ZDHHC14: variants seen among roughly 807,000 people sequenced by gnomAD.
The protein encoded by ZDHHC14 is zDHHC palmitoyltransferase 14, also known as palmitoyltransferase ZDHHC14.
A neutral mutation model predicts 47.7 loss-of-function variants in ZDHHC14; 16 were observed. The ratio of observed to expected loss-of-function variants is 0.34; its 90% CI spans 0.23 to 0.51. ZDHHC14 has a LOEUF of 0.51. Ranked by LOEUF, ZDHHC14 falls within the 20% of genes least tolerant of loss-of-function variation. The probability of loss-of-function intolerance (pLI) is 0.97; values close to 1 mark genes in which losing one functional copy is unlikely to be tolerated. For synonymous variants in ZDHHC14, 293 were observed against 278.9 expected (o/e 1.05, Z -0.50); for missense variants, 515 against 662.5 (o/e 0.78, Z 2.44).
intron 1 of ZDHHC14, among the ~76,000 whole-genome samples, chr6:157,534,877 G>A (rs910443255): frequency 6.6e-6 from 1 of 152,016 alleles, no homozygotes; most frequent in African/African-American, 2.4e-5. Flanking sequence ...AGGCACTCCC[G>A]GCCTCTTCCT....
chr6:157,647,898 G>A (rs967464008), intron 7 of ZDHHC14, among the ~76,000 whole-genome samples: 2 of 152,182 alleles, frequency 1.3e-5, no homozygotes, highest in African/African-American at 4.8e-5. Flanking sequence ...GTTAAGCTCT[G>A]CTCTAAGTTC....
At chr6:157,602,201 C>CAAA (rs67391412) in intron 3 of ZDHHC14, among the ~76,000 whole-genome samples, 4 of 126,994 alleles carry the variant, frequency 3.1e-5, no homozygotes, top group East Asian at 2.4e-4. Flanking sequence ...GATTCTGTCT[C>CAAA]AAAAAAAAAA....
At chr6:157,671,325 C>G (rs1583106298) in intron 8 of ZDHHC14, among the ~76,000 whole-genome samples, 1 of 152,170 alleles carries the variant, frequency 6.6e-6, no homozygotes, top group Non-Finnish European at 1.5e-5. Context: ...CATCTGTGCC[C>G]CAGGGTCTTC....
At position 157,542,750 on chromosome 6, in the gene ZDHHC14, C is replaced by T; in HGVS notation, c.406+5C>T. On this transcript the variant is annotated splice_donor_5th_base_variant and intron_variant, in intron 2 of 8. Transcript: ENST00000359775. Reference sequence around the variant, plus strand: ...CCGATCTGGAAAGGCAAATAGGTAACACTGAAAGTCTGCCCATGGCCTCTG... The same window carrying T: ...CCGATCTGGAAAGGCAAATAGGTAATACTGAAAGTCTGCCCATGGCCTCTG... 1 of 1,613,586 alleles carries T rather than the reference C, an allele frequency of 6.2e-7. No homozygotes were observed. Among genetic ancestry groups the T allele is most frequent in the Non-Finnish European group, 8.5e-7 (1 of 1,179,734 alleles).
intron 2 of ZDHHC14, among the ~76,000 whole-genome samples, chr6:157,557,651 G>A (rs1180666450): frequency 6.6e-6 from 1 of 152,164 alleles, no homozygotes; most frequent in Non-Finnish European, 1.5e-5. Context: ...ACAAGGAAGG[G>A]GTTTGTGGTC....
At chr6:157,501,826 T>A (rs1005787332) in intron 1 of ZDHHC14, among the ~76,000 whole-genome samples, 2 of 152,236 alleles carry the variant, frequency 1.3e-5, no homozygotes, top group Admixed American at 6.5e-5. Flanking sequence ...ATTGCTCAGA[T>A]TCTCTATTGT....
chr6:157,640,799 G>A (rs1288390480), intron 5 of ZDHHC14, among the ~76,000 whole-genome samples: 2 of 152,200 alleles, frequency 1.3e-5, no homozygotes, highest in South Asian at 2.1e-4. Flanking sequence ...CAAGTCCTAC[G>A]AGAATATGTT....
At chr6:157,515,311 A>G (rs1480829747) in intron 1 of ZDHHC14, among the ~76,000 whole-genome samples, 1 of 152,132 alleles carries the variant, frequency 6.6e-6, no homozygotes, top group East Asian at 1.9e-4. Context: ...AATCTTTTCC[A>G]TGGTCTTTCC....
rs1778752800 is a variant in ZDHHC14, at chr6:157,449,446, G to T, written c.245+67180G>T. Among the ~76,000 whole-genome samples the T allele has an allele frequency of 2.6e-5, 4 of 152,272 alleles. No individual in the cohort carries two copies. The South Asian group carries it at 8.3e-4, about 32-fold the overall frequency. ...CCACTATAAGTGAACAGTTGGATGG[G>T]TTTGGCAAATATGTTCAATGGGGAA... On this transcript the variant is annotated intron_variant, in intron 1 of 8. Coordinates refer to ENST00000359775, the MANE Select transcript of ZDHHC14 (RefSeq NM_024630.3).
intron 3 of ZDHHC14, among the ~76,000 whole-genome samples, chr6:157,622,477 A>G (rs2114941047): frequency 6.6e-6 from 1 of 152,306 alleles, no homozygotes; most frequent in East Asian, 1.9e-4. Context: ...TTTTTCCTGA[A>G]CTATGTTCCC....
intron 1 of ZDHHC14, among the ~76,000 whole-genome samples, chr6:157,481,164 C>G: frequency 6.6e-6 from 1 of 152,182 alleles, no homozygotes; most frequent in Non-Finnish European, 1.5e-5. Flanking sequence ...CTCACTCCCA[C>G]TCATTTTTTC....
intron 2 of ZDHHC14, among the ~76,000 whole-genome samples, chr6:157,548,607 C>A (rs547340366): frequency 2.2e-4 from 33 of 152,262 alleles, no homozygotes; most frequent in African/African-American, 7.9e-4. Flanking sequence ...CCACTATTCC[C>A]GGCTAATTTT....
Position 157,540,319 on chromosome 6 carries a change from G to A in ZDHHC14, c.246-2266G>A, listed in dbSNP as rs112907628. 4.6e-5 allele frequency among the ~76,000 whole-genome samples: 7 copies of A among 152,324 alleles called. 1 individual carries two copies. The highest frequency in any genetic ancestry group is 2.1e-4 in the South Asian group (1 of 4,814). ...CCAACCCTGCAGAGAGTGCACTTGG[G>A]ACAGGGAACGGTGGAGGGCAAAGCA... On this transcript the variant is annotated intron_variant, in intron 1 of 8. Transcript: ENST00000359775.
At position 157,653,517 on chromosome 6, in the gene ZDHHC14, T is replaced by C; in HGVS notation, c.966-8T>C. On this transcript the variant is annotated splice_region_variant and splice_polypyrimidine_tract_variant and intron_variant, in intron 7 of 8. Transcript: ENST00000359775. ...TCTCTTCCTGCTGTGTTTTCTTTTC[T>C]CTCGCAGCCTGATCGACAGAAGAGG... is the stretch of plus-strand genomic sequence containing the variant. 6.2e-7 allele frequency: 1 copy of C among 1,613,352 alleles called. No homozygotes were observed.
At chr6:157,612,238 A>G (rs574159244) in intron 3 of ZDHHC14, among the ~76,000 whole-genome samples, 1 of 151,928 alleles carries the variant, frequency 6.6e-6, no homozygotes, top group Non-Finnish European at 1.5e-5. Flanking sequence ...AGCCGCCATC[A>G]TCTCTCACTT....
At chr6:157,626,608 A>G (rs1015349431) in intron 3 of ZDHHC14, among the ~76,000 whole-genome samples, 1 of 151,922 alleles carries the variant, frequency 6.6e-6, no homozygotes, top group South Asian at 2.1e-4. Flanking sequence ...AGCCTCCCCC[A>G]TTATCAACAT....
intron 3 of ZDHHC14, among the ~76,000 whole-genome samples, chr6:157,609,281 G>A (rs372758210): frequency 6.6e-5 from 10 of 152,334 alleles, no homozygotes; most frequent in East Asian, 1.9e-4. Context: ...GAGGGAAAGC[G>A]AGAGGTGGGA....
Position 157,636,445 on chromosome 6 carries a change from C to T in ZDHHC14, c.752+3563C>T, listed in dbSNP as rs369951800. ...CCAGAGTTCAGGTTGGAAATGCTCG[C>T]GGGATACCCCGAAGGCCCTTGCTGG... On this transcript the variant is annotated intron_variant, in intron 5 of 8. Coordinates refer to ENST00000359775, the MANE Select transcript of ZDHHC14 (RefSeq NM_024630.3). Among the ~76,000 whole-genome samples the T allele has an allele frequency of 2.6e-5, 4 of 152,168 alleles. No homozygotes were observed. The East Asian group carries it at 5.8e-4, about 22-fold the overall frequency.
At chr6:157,601,604 G>A (rs1280522344) in intron 3 of ZDHHC14, among the ~76,000 whole-genome samples, 1 of 151,980 alleles carries the variant, frequency 6.6e-6, no homozygotes, top group African/African-American at 2.4e-5. Context: ...TGAGTCGGGG[G>A]GCAAGATAAA....
Sources: allele counts gnomAD v4.1 joint callset (sites outside exome capture counted in the v4.1 genomes callset), GRCh38; gene constraint gnomAD v4.1.1; transcripts MANE v1.5; gene names NCBI Gene and HGNC (gene_info 2026-07-23, HGNC 2026-07-21).